AGMO: variants seen among roughly 807,000 people sequenced by gnomAD.
The protein encoded by AGMO is glyceryl-ether monooxygenase.
A neutral mutation model predicts 60.2 loss-of-function variants in AGMO; 75 were observed. That is an observed-to-expected ratio of 1.25 (90% CI 1.03 to 1.51). The LOEUF (loss-of-function observed/expected upper bound fraction) is 1.51. Among genes scored for constraint, AGMO ranks in the 40% most tolerant of loss-of-function variants. The pLI is 0.00. For synonymous variants in AGMO, 261 were observed against 177.1 expected (o/e 1.47, Z -3.76); for missense variants, 763 against 525.5 (o/e 1.45, Z -4.42).
At chr7:15,207,418 C>A (rs1781467279) in intron 12 of AGMO, among the ~76,000 whole-genome samples, 1 of 152,112 alleles carries the variant, frequency 6.6e-6, no homozygotes, top group Admixed American at 6.5e-5. Flanking sequence ...AATGACAACT[C>A]AATAATGTGG....
chr7:15,120,546 C>T, the AGMO span, among the ~76,000 whole-genome samples: 2 of 152,200 alleles, frequency 1.3e-5, no homozygotes, highest in African/African-American at 4.8e-5. Context: ...AGAAGGAAGA[C>T]TACAACTCCT....
intron 2 of AGMO, among the ~76,000 whole-genome samples, chr7:15,548,537 G>T (rs376274802): frequency 6.6e-6 from 1 of 152,164 alleles, no homozygotes; most frequent in Admixed American, 6.5e-5. Flanking sequence ...CTCAGGAGCC[G>T]ATGTGATCAA....
At chr7:15,532,369 C>T (rs567282704) in intron 3 of AGMO, among the ~76,000 whole-genome samples, 2 of 152,162 alleles carry the variant, frequency 1.3e-5, no homozygotes, top group African/African-American at 2.4e-5. Context: ...TGTATTAAGG[C>T]TCTGGTGCAT....
the AGMO span, among the ~76,000 whole-genome samples, chr7:15,159,626 A>G: frequency 6.6e-6 from 1 of 152,184 alleles, no homozygotes; most frequent in Non-Finnish European, 1.5e-5. Context: ...TACCAACATC[A>G]ATCTGAGGCA....
In AGMO at chr7:15,200,685, G is replaced by A. The variant is rs571622414; in HGVS notation, c.*600C>T. 31 of 152,348 alleles carry A rather than the reference G, an allele frequency of 2.0e-4. No individual in the cohort carries two copies. Among genetic ancestry groups the A allele is most frequent in the African/African-American group, 6.7e-4 (28 of 41,568 alleles). The allele number at this position is 152,348 out of a possible 1,614,324, so 9.4% of individuals were successfully genotyped here. ...AATTTTTATATTTTTAGTAGAGACA[G>A]GACTTCACCATGTTGGCCAGGATGG... On this transcript the variant is annotated 3_prime_UTR_variant, in exon 13 of 13. Transcript: ENST00000342526.
chr7:15,128,966 A>G, the AGMO span, among the ~76,000 whole-genome samples: 2 of 152,018 alleles, frequency 1.3e-5, no homozygotes, highest in African/African-American at 4.8e-5. Flanking sequence ...TTTATAGTGA[A>G]AAAAGGAAAG....
At chr7:15,228,811 G>C (rs1248591404) in intron 12 of AGMO, among the ~76,000 whole-genome samples, 2 of 152,060 alleles carry the variant, frequency 1.3e-5, no homozygotes, top group Admixed American at 1.3e-4. Flanking sequence ...TCTCATCCAG[G>C]AGAAAAATTA....
intron 3 of AGMO, among the ~76,000 whole-genome samples, chr7:15,512,787 T>G (rs1302457976): frequency 1.3e-5 from 2 of 152,214 alleles, no homozygotes; most frequent in Non-Finnish European, 2.9e-5. Flanking sequence ...CCAAGTACTA[T>G]TCAATATACA....
At chr7:15,471,732 C>T (rs1782454573) in intron 3 of AGMO, among the ~76,000 whole-genome samples, 1 of 151,890 alleles carries the variant, frequency 6.6e-6, no homozygotes. Flanking sequence ...GACAAGATGA[C>T]CAGATAATGT....
At chr7:15,291,049 T>C (rs1238239861) in intron 12 of AGMO, among the ~76,000 whole-genome samples, 1 of 152,182 alleles carries the variant, frequency 6.6e-6, no homozygotes, top group East Asian at 1.9e-4. Context: ...CTTTACAAAT[T>C]TTCTGGGTGG....
At chr7:15,193,016 C>A in the AGMO span, among the ~76,000 whole-genome samples, 1 of 151,998 alleles carries the variant, frequency 6.6e-6, no homozygotes, top group Non-Finnish European at 1.5e-5. Flanking sequence ...TAATAGCATG[C>A]CAGTGGCATT....
At chr7:15,160,286 C>T in the AGMO span, among the ~76,000 whole-genome samples, 1 of 152,156 alleles carries the variant, frequency 6.6e-6, no homozygotes, top group Non-Finnish European at 1.5e-5. Context: ...TTCTCCCTTT[C>T]TCATTGGCAG....
chr7:15,319,015 A>G (rs568623159), intron 12 of AGMO, among the ~76,000 whole-genome samples: 2 of 152,088 alleles, frequency 1.3e-5, no homozygotes, highest in South Asian at 2.1e-4. Flanking sequence ...TCTTTATTCT[A>G]AAGTTGATTA....
At chr7:15,376,399 C>T (rs187887949) in intron 10 of AGMO, among the ~76,000 whole-genome samples, 2 of 151,978 alleles carry the variant, frequency 1.3e-5, no homozygotes, top group East Asian at 3.9e-4. Context: ...TTTTTTTCAG[C>T]AGCTTTATTA....
At chr7:15,262,586 T>A (rs1283824734) in intron 12 of AGMO, among the ~76,000 whole-genome samples, 2 of 151,838 alleles carry the variant, frequency 1.3e-5, no homozygotes, top group African/African-American at 4.8e-5. Context: ...AATACCATCA[T>A]CATTCTTCAC....
chr7:15,289,830 TAA>T (rs1784206422), intron 12 of AGMO, among the ~76,000 whole-genome samples: 1 of 151,462 alleles, frequency 6.6e-6, no homozygotes, highest in African/African-American at 2.4e-5. Context: ...AAAAGGTAAA[TAA>T]ATGAGTATTC....
At chr7:15,372,449 C>CT (rs1434868535) in intron 10 of AGMO, among the ~76,000 whole-genome samples, 2 of 152,030 alleles carry the variant, frequency 1.3e-5, no homozygotes, top group Non-Finnish European at 2.9e-5. Context: ...CAGCGAGACT[C>CT]TGTCTCAAAA....
At chr7:15,298,703 A>G (rs373171502) in intron 12 of AGMO, among the ~76,000 whole-genome samples, 10 of 152,128 alleles carry the variant, frequency 6.6e-5, no homozygotes, top group East Asian at 5.8e-4. Context: ...CACTCAGTCT[A>G]TGTTTTTCTA....
intron 5 of AGMO, among the ~76,000 whole-genome samples, chr7:15,405,499 T>C (rs1784662483): frequency 6.6e-6 from 1 of 151,954 alleles, no homozygotes; most frequent in African/African-American, 2.4e-5. Flanking sequence ...GCAATCATTC[T>C]GTATCTTGAT....
Sources: gnomAD v4.1 joint callset for allele counts (sites outside exome capture counted in the v4.1 genomes callset) on GRCh38, gnomAD v4.1.1 for gene constraint, MANE v1.5 for transcripts, NCBI Gene and HGNC (gene_info 2026-07-23, HGNC 2026-07-21) for gene names.